TSPAN5: variants seen among roughly 807,000 people sequenced by gnomAD.
TSPAN5 encodes tetraspanin 5.
Under a neutral mutation model 37.1 loss-of-function variants are expected in TSPAN5, and 10 were observed. The ratio of observed to expected loss-of-function variants is 0.27; its 90% confidence interval spans 0.17 to 0.46. The LOEUF is 0.46. Among genes scored for constraint, TSPAN5 ranks in the 20% least tolerant of loss-of-function variants. The pLI is 1.00. For missense variants in TSPAN5, 195 were observed against 326.6 expected, an observed-to-expected ratio of 0.60 and a Z score of 3.11; for synonymous variants, 110 against 118.9, an observed-to-expected ratio of 0.93 and a Z score of 0.48.
intron 1 of TSPAN5, among the ~76,000 whole-genome samples, chr4:98,550,775 T>C (rs1241229427): frequency 6.6e-6 from 1 of 152,206 alleles, no homozygotes; most frequent in African/African-American, 2.4e-5. Flanking sequence ...AAGAGTTTTT[T>C]GGTGGAGTCT....
At chr4:98,610,215 G>A (rs563767017) in intron 1 of TSPAN5, among the ~76,000 whole-genome samples, 2 of 152,296 alleles carry the variant, frequency 1.3e-5, no homozygotes, top group South Asian at 4.1e-4. Context: ...ATCCCATAGT[G>A]GAATGCAAAA....
intron 1 of TSPAN5, among the ~76,000 whole-genome samples, chr4:98,582,480 C>T (rs1252645649): frequency 6.6e-6 from 1 of 152,206 alleles, no homozygotes; most frequent in African/African-American, 2.4e-5. Context: ...GAAAATCACG[C>T]AAAGAGATTT....
In TSPAN5 at chr4:98,499,537, C is replaced by T. The variant is rs567857175; in HGVS notation, c.132+8141G>A. Among the ~76,000 whole-genome samples the T allele has an allele frequency of 2.0e-4, 30 of 152,114 alleles. No individual in the cohort carries two copies. In the East Asian group the frequency reaches 5.6e-3, roughly 28 times the overall value. On this transcript the variant is annotated intron_variant, in intron 2 of 7. Transcript: ENST00000305798. ...ACTGAATACAGTTTAAAGGGGAATA[C>T]ATAGAGAAACATTAAATTTTCTTCC...
At chr4:98,567,317 G>A (rs1351054763) in intron 1 of TSPAN5, among the ~76,000 whole-genome samples, 2 of 152,102 alleles carry the variant, frequency 1.3e-5, no homozygotes, top group African/African-American at 4.8e-5. Flanking sequence ...AATAAACACT[G>A]TTTTTAACAC....
chr4:98,491,252 C>T (rs1245477437), intron 2 of TSPAN5, among the ~76,000 whole-genome samples: 1 of 152,176 alleles, frequency 6.6e-6, no homozygotes, highest in Non-Finnish European at 1.5e-5. Flanking sequence ...ATCACTACCT[C>T]AAATCTTGAA....
At chr4:98,489,561 C>T (rs917365330) in intron 2 of TSPAN5, among the ~76,000 whole-genome samples, 1 of 152,152 alleles carries the variant, frequency 6.6e-6, no homozygotes, top group African/African-American at 2.4e-5. Context: ...CTGGTTCGAA[C>T]TGAGCTTTCA....
intron 1 of TSPAN5, among the ~76,000 whole-genome samples, chr4:98,530,292 T>A (rs1487316315): frequency 6.6e-6 from 1 of 152,184 alleles, no homozygotes. Context: ...AAAGTGATAA[T>A]GGTGAACTTT....
intron 1 of TSPAN5, among the ~76,000 whole-genome samples, chr4:98,633,098 TA>T (rs1484294388): frequency 6.6e-6 from 1 of 151,974 alleles, no homozygotes; most frequent in Non-Finnish European, 1.5e-5. Context: ...GAAAAGGTAA[TA>T]CCCAAAGGTG....
At chr4:98,508,777 G>C (rs767134048) in intron 1 of TSPAN5, among the ~76,000 whole-genome samples, 1 of 151,790 alleles carries the variant, frequency 6.6e-6, no homozygotes, top group Non-Finnish European at 1.5e-5. Context: ...CTCCCGCCTC[G>C]GCCTCTCAAA....
intron 1 of TSPAN5, among the ~76,000 whole-genome samples, chr4:98,567,710 G>A (rs1366829040): frequency 5.9e-5 from 9 of 152,188 alleles, no homozygotes; most frequent in African/African-American, 1.4e-4. Context: ...AGGAGAGAGA[G>A]GAAACCTGAA....
chr4:98,518,482 G>A (rs1469582996), intron 1 of TSPAN5, among the ~76,000 whole-genome samples: 2 of 152,130 alleles, frequency 1.3e-5, no homozygotes, highest in African/African-American at 4.8e-5. Flanking sequence ...ATGCACATGG[G>A]TTGCCACAGA....
chr4:98,618,444 C>G (rs528436005), intron 1 of TSPAN5, among the ~76,000 whole-genome samples: 42 of 152,236 alleles, frequency 2.8e-4, no homozygotes, highest in Non-Finnish European at 5.1e-4. Context: ...TAAGTAAACC[C>G]CAAGCAATTA....
chr4:98,575,288 A>G lies in TSPAN5; in HGVS notation c.82-67560T>C, dbSNP rs557624282. Among the ~76,000 whole-genome samples the G allele has an allele frequency of 2.6e-5, 4 of 152,170 alleles. No individual in the cohort carries two copies. In the East Asian group the frequency reaches 7.7e-4, roughly 29 times the overall value. ...TACTCACACACACATTCTCTCTCAG[A>G]TTTATACATAGGCTTTCTGAATTTT... On this transcript the variant is annotated intron_variant, in intron 1 of 7. Coordinates refer to ENST00000305798, the MANE Select transcript of TSPAN5 (RefSeq NM_005723.4).
chr4:98,611,054 A>T (rs190761682), intron 1 of TSPAN5, among the ~76,000 whole-genome samples: 2 of 152,206 alleles, frequency 1.3e-5, no homozygotes, highest in South Asian at 4.1e-4. Context: ...TGGCTAAGAC[A>T]TGGTGACAAA....
intron 1 of TSPAN5, among the ~76,000 whole-genome samples, chr4:98,554,619 T>C (rs1754697707): frequency 1.3e-5 from 2 of 152,254 alleles, no homozygotes; most frequent in African/African-American, 2.4e-5. Context: ...TATTTCTAGA[T>C]TAAATTTGGT....
At position 98,476,393 on chromosome 4, in the gene TSPAN5, C is replaced by T. The variant is rs768533397; in HGVS notation, c.624+20G>A. On this transcript the variant is annotated intron_variant, in intron 6 of 7. Transcript: ENST00000305798. ...CTCCAACACCCTTCGTGCTAAGCAA[C>T]AACATGAGATTCCACTTACTGGTTT... The T allele has an allele frequency of 3.1e-6, 5 of 1,614,062 alleles. No individual in the cohort carries two copies. Among genetic ancestry groups the T allele is most frequent in the Middle Eastern group, 1.6e-4 (1 of 6,084 alleles).
chr4:98,588,754 T>C (rs1224512420), intron 1 of TSPAN5, among the ~76,000 whole-genome samples: 2 of 152,250 alleles, frequency 1.3e-5, no homozygotes, highest in Non-Finnish European at 2.9e-5. Flanking sequence ...AAATTTAAGC[T>C]CTACAATAAC....
At chr4:98,555,139 G>C (rs1477027195) in intron 1 of TSPAN5, among the ~76,000 whole-genome samples, 1 of 152,134 alleles carries the variant, frequency 6.6e-6, no homozygotes, top group African/African-American at 2.4e-5. Flanking sequence ...CCAACTTCGT[G>C]ATCTGGGTGC....
At chr4:98,534,821 G>A (rs533255086) in intron 1 of TSPAN5, among the ~76,000 whole-genome samples, 1 of 152,202 alleles carries the variant, frequency 6.6e-6, no homozygotes, top group East Asian at 1.9e-4. Flanking sequence ...TTTTTTATCA[G>A]AGGTTAGGAT....
Sources: gnomAD v4.1 joint callset for allele counts (sites outside exome capture counted in the v4.1 genomes callset) on GRCh38, gnomAD v4.1.1 for gene constraint, MANE v1.5 for transcripts, NCBI Gene and HGNC (gene_info 2026-07-23, HGNC 2026-07-21) for gene names.